The following ANO1 variants were observed in gnomAD, a reference collection of about 807,000 sequenced individuals.
The protein encoded by ANO1 is anoctamin-1.
A neutral mutation model predicts 124.0 loss-of-function variants in ANO1; 59 were observed. The ratio of observed to expected loss-of-function variants is 0.48; its 90% CI spans 0.39 to 0.59. ANO1 has a LOEUF of 0.59. Among genes scored for constraint, ANO1 ranks in the 20% least tolerant of loss-of-function variants. The probability of loss-of-function intolerance (pLI) is 0.00; values close to 1 mark genes in which losing one functional copy is unlikely to be tolerated. For missense variants in ANO1, 1,059 were observed against 1,328.0 expected (o/e 0.80, Z 3.15); for synonymous variants, 529 against 532.0 (o/e 0.99, Z 0.08).
chr11:70,150,475 C>T lies in ANO1; in HGVS notation c.1341+683C>T, dbSNP rs143663480. Among the ~76,000 whole-genome samples, 33 of 152,286 alleles carry T rather than the reference C, an allele frequency of 2.2e-4. No individual in the cohort carries two copies. In the East Asian group the frequency reaches 5.4e-3, roughly 25 times the overall value. Reference sequence around the variant, plus strand: ...AATTAGCCTTGGTGCACAACAGAGGCGACCTCATGCACGCGCTGTAAGGTG... The same window carrying T: ...AATTAGCCTTGGTGCACAACAGAGGTGACCTCATGCACGCGCTGTAAGGTG... On this transcript the variant is annotated intron_variant, in intron 12 of 25. Coordinates refer to ENST00000355303, the MANE Select transcript of ANO1 (RefSeq NM_018043.7).
At chr11:69,988,768 G>A (rs563156094) in intron 1 of ANO1, among the ~76,000 whole-genome samples, 15 of 152,222 alleles carry the variant, frequency 9.9e-5, no homozygotes, top group African/African-American at 2.9e-4. Flanking sequence ...TGAGGTCTGC[G>A]GCATCCCTCC....
chr11:70,028,089 T>C (rs992750026), intron 1 of ANO1, among the ~76,000 whole-genome samples: 1 of 152,156 alleles, frequency 6.6e-6, no homozygotes, highest in Non-Finnish European at 1.5e-5. Context: ...TCAGAAGAAA[T>C]AGATCCGAAT....
intron 21 of ANO1, 145 bp from the exon 22 acceptor site, chr11:70,170,742 C>A: frequency 2.1e-6 from 2 of 957,370 alleles, no homozygotes; most frequent in Non-Finnish European, 3.1e-6. Flanking sequence ...TCATCTAATG[C>A]ATCTGCAGGT....
In ANO1 at chr11:70,143,023, G is replaced by A. The variant is rs75314077; in HGVS notation, c.1259-6687G>A. On this transcript the variant is annotated intron_variant, in intron 11 of 25. Coordinates refer to ENST00000355303, the MANE Select transcript of ANO1 (RefSeq NM_018043.7). ...GGATGCAAGTCAGGCCAGAGCAGGG[G>A]GTCACATTTCAAGAAGGGAAATGGA... Among the ~76,000 whole-genome samples, 358 of 152,266 alleles carry A rather than the reference G, an allele frequency of 2.4e-3. 2 individuals are homozygous for A. The highest frequency in any genetic ancestry group is 0.017 in the Middle Eastern group (5 of 294).
chr11:70,003,898 G>A (rs1427368040), intron 1 of ANO1, among the ~76,000 whole-genome samples: 2 of 152,240 alleles, frequency 1.3e-5, no homozygotes, highest in African/African-American at 4.8e-5. Flanking sequence ...GCTATATCCT[G>A]GCCCTCAGCT....
Position 70,087,920 on chromosome 11 carries a change from C to G in ANO1, c.277C>G (p.Arg93Gly). 6.2e-7 allele frequency: 1 copy of G among 1,608,858 alleles called. No homozygotes were observed. The highest frequency in any genetic ancestry group is 8.5e-7 in the Non-Finnish European group (1 of 1,177,938). The change falls in exon 2 of 26, where the codon CGC becomes GGC. Residue 93 changes from arginine to glycine, a missense_variant. Physicochemically the swap from Arg to Gly is moderately radical, Grantham distance 125. This residue lies in a region of ANO1 where 250 missense variants were observed against 233.1 expected (regional missense o/e 1.07). Coordinates refer to ENST00000355303, the MANE Select transcript of ANO1 (RefSeq NM_018043.7). ...GCACAGCGACACCCCCTCTGGGGCT[C>G]GCAGCGTCAAGCAGGACCACCCCCT... The part of the protein sequence containing the change: ...VQHSDTPSGA[R>G]SVKQDHPLPG...
At chr11:70,161,462 G>T in intron 17 of ANO1, 100 bp downstream of exon 17, 2 of 1,450,638 alleles carry the variant, frequency 1.4e-6, no homozygotes, top group Non-Finnish European at 1.9e-6. Flanking sequence ...ACTTCTCTGG[G>T]CCCCAGCTCC....
chr11:70,187,302 A>T (rs2049171660), intron 25 of ANO1, among the ~76,000 whole-genome samples: 1 of 152,202 alleles, frequency 6.6e-6, no homozygotes, highest in African/African-American at 2.4e-5. Flanking sequence ...CCTTCTATCC[A>T]CCAGAAATGT....
chr11:70,102,108 A>G lies in ANO1; in HGVS notation c.442-958A>G, dbSNP rs530764990. Among the ~76,000 whole-genome samples, 40 of 152,358 alleles carry G rather than the reference A, an allele frequency of 2.6e-4. 1 individual carries two copies. The highest frequency in any genetic ancestry group is 6.8e-3 in the Middle Eastern group (2 of 294). ...AGGGACTCTATTAAACGCGAAATCCAGAGGGGAGAGGGAAAGCTAGAGACG... is the reference window on the plus strand; with the variant it reads ...AGGGACTCTATTAAACGCGAAATCCGGAGGGGAGAGGGAAAGCTAGAGACG... On this transcript the variant is annotated intron_variant, in intron 2 of 25. Coordinates refer to ENST00000355303, the MANE Select transcript of ANO1 (RefSeq NM_018043.7).
In ANO1 at chr11:70,131,905, C is replaced by A; in HGVS notation, c.1098-14C>A. On this transcript the variant is annotated splice_polypyrimidine_tract_variant and intron_variant, in intron 10 of 25. Coordinates refer to ENST00000355303, the MANE Select transcript of ANO1 (RefSeq NM_018043.7). ...CCCAACAAGGTGACTCCAGGGCTGC[C>A]CCCTCTCTTGCAGCATGGAGATGTG... 6.2e-7 allele frequency: 1 copy of A among 1,600,364 alleles called. No individual in the cohort carries two copies. Among genetic ancestry groups the A allele is most frequent in the Non-Finnish European group, 8.5e-7 (1 of 1,178,060 alleles).
At chr11:70,052,084 T>C (rs1857357099) in intron 1 of ANO1, among the ~76,000 whole-genome samples, 1 of 152,216 alleles carries the variant, frequency 6.6e-6, no homozygotes, top group African/African-American at 2.4e-5. Context: ...TCCCTATGAC[T>C]CTCCACACCA....
At chr11:70,095,701 G>T (rs1399732001) in intron 2 of ANO1, among the ~76,000 whole-genome samples, 2 of 152,202 alleles carry the variant, frequency 1.3e-5, no homozygotes, top group Admixed American at 1.3e-4. Flanking sequence ...TTACACCATG[G>T]GAATTGGCAG....
chr11:70,086,013 G>T (rs1463719651), intron 1 of ANO1, among the ~76,000 whole-genome samples: 3 of 152,238 alleles, frequency 2.0e-5, no homozygotes, highest in African/African-American at 7.2e-5. Context: ...AAGGCCACAG[G>T]TGCTCGGGCC....
At chr11:70,034,901 C>T (rs1244327151) in intron 1 of ANO1, among the ~76,000 whole-genome samples, 2 of 151,912 alleles carry the variant, frequency 1.3e-5, no homozygotes, top group African/African-American at 2.4e-5. Flanking sequence ...TCTGCTTAGT[C>T]AATATTTGCT....
upstream of ANO1, among the ~76,000 whole-genome samples, chr11:69,984,375 CGG>C (rs782428716): frequency 0.87 from 132,198 of 151,796 alleles, 57,968 homozygotes; most frequent in East Asian, 0.99. Flanking sequence ...ATTTTGAGTC[CGG>C]ACTGAAACGA....
intron 1 of ANO1, chr11:70,072,609 G>A (rs12798364): frequency 0.097 from 14,822 of 152,306 alleles, 758 homozygotes; most frequent in East Asian, 0.22. Context: ...CAGAGTCAGA[G>A]GCTTGCTGCA....
intron 21 of ANO1, among the ~76,000 whole-genome samples, chr11:70,167,645 G>C (rs1160130043): frequency 6.6e-6 from 1 of 151,818 alleles, no homozygotes; most frequent in Non-Finnish European, 1.5e-5. Context: ...CCGTCCCTAG[G>C]CACGGTCCCC....
chr11:70,110,366 T>C (rs1347474560), intron 6 of ANO1, among the ~76,000 whole-genome samples: 1 of 151,996 alleles, frequency 6.6e-6, no homozygotes, highest in Non-Finnish European at 1.5e-5. Flanking sequence ...GTTTGTATTT[T>C]TAGTAGAGAC....
In ANO1 at chr11:70,167,297, C is replaced by G; in HGVS notation, c.2107C>G (p.His703Asp). The G allele has an allele frequency of 6.2e-7, 1 of 1,613,984 alleles. No individual in the cohort carries two copies. The highest frequency in any genetic ancestry group is 8.5e-7 in the Non-Finnish European group (1 of 1,179,888). Residue 703 changes from histidine to aspartate, a missense_variant, in exon 21 of 26, where the codon CAC becomes GAC. Around this residue, in one of 2 missense-constraint regions of ANO1, gnomAD observed 809 missense variants for 1,094.9 expected, o/e 0.74. Transcript: ENST00000355303. ...GCTGAAGCAGCAGAGCCCCCCTGAC[C>G]ACGAGGAGTGTGTGAAGAGGAAACA... ...LKLKQQSPPD[H>D]EECVKRKQRY...
Sources: gnomAD v4.1 joint callset for allele counts (sites outside exome capture counted in the v4.1 genomes callset) on GRCh38, gnomAD v4.1.1 for gene constraint, gnomAD v4.1.1 regional missense constraint, MANE v1.5 for transcripts, NCBI Gene and HGNC (gene_info 2026-07-23, HGNC 2026-07-21) for gene names.